DLGAP2: variants seen among roughly 807,000 people sequenced by gnomAD.
The protein encoded by DLGAP2 is DLG associated protein 2.
DLGAP2 carries 26 observed loss-of-function variants against 100.3 expected under a neutral mutation model. The observed-to-expected ratio is 0.26, with a 90% CI of 0.19 to 0.36. DLGAP2 has a LOEUF of 0.36. DLGAP2 is among the 10% of genes least tolerant of loss of function. The pLI is 1.00. For synonymous variants in DLGAP2, 886 were observed against 630.1 expected, an observed-to-expected ratio of 1.41 and a Z score of -6.08; for missense variants, 1,858 against 1,453.2, an observed-to-expected ratio of 1.28 and a Z score of -4.53.
chr8:1,198,359 C>T (rs118146646), intron 2 of DLGAP2, among the ~76,000 whole-genome samples: 74 of 152,286 alleles, frequency 4.9e-4, no homozygotes, highest in South Asian at 1.0e-3. Flanking sequence ...CGTCGTGGGG[C>T]GTCACGCATG....
intron 2 of DLGAP2, among the ~76,000 whole-genome samples, chr8:1,122,943 ACAGGAG>A (rs1796083861): frequency 6.6e-6 from 1 of 152,224 alleles, no homozygotes. Flanking sequence ...ACCTCACACA[ACAGGAG>A]CTTTGGCTTA....
At chr8:1,528,548 G>C (rs879486949) in intron 4 of DLGAP2, among the ~76,000 whole-genome samples, 2 of 152,240 alleles carry the variant, frequency 1.3e-5, no homozygotes, top group Admixed American at 6.5e-5. Context: ...CCACCCGGGG[G>C]CTGGCCTGCG....
chr8:1,517,275 G>A (rs1011212280), intron 4 of DLGAP2, among the ~76,000 whole-genome samples: 1 of 152,086 alleles, frequency 6.6e-6, no homozygotes, highest in South Asian at 2.1e-4. Context: ...CAGGAGCTTG[G>A]AAAAAGGACC....
intron 3 of DLGAP2, among the ~76,000 whole-genome samples, chr8:1,275,342 G>T (rs552115143): frequency 6.7e-6 from 1 of 149,182 alleles, no homozygotes; most frequent in African/African-American, 2.5e-5. Context: ...TCTCTAGCTC[G>T]AGCAGGGAAT....
intron 2 of DLGAP2, among the ~76,000 whole-genome samples, chr8:1,103,882 G>A (rs989172362): frequency 3.0e-4 from 45 of 152,320 alleles, no homozygotes; most frequent in Non-Finnish European, 4.1e-4. Flanking sequence ...AGGGGTCCCC[G>A]CACCCATGTT....
At chr8:1,636,546 C>T (rs1275879598) in intron 8 of DLGAP2, among the ~76,000 whole-genome samples, 1 of 152,162 alleles carries the variant, frequency 6.6e-6, no homozygotes, top group African/African-American at 2.4e-5. Flanking sequence ...AATTTTACTT[C>T]TTTGCTGACC....
chr8:1,089,376 C>A (rs965798075), intron 2 of DLGAP2, among the ~76,000 whole-genome samples: 1 of 152,210 alleles, frequency 6.6e-6, no homozygotes, highest in African/African-American at 2.4e-5. Flanking sequence ...GCCGTTTGTC[C>A]CCCTGAGGCA....
At chr8:1,569,730 C>G (rs544611277) in intron 6 of DLGAP2, among the ~76,000 whole-genome samples, 1 of 152,244 alleles carries the variant, frequency 6.6e-6, no homozygotes, top group Admixed American at 6.5e-5. Context: ...GCTGCACAAG[C>G]CACCAAGGCT....
intron 3 of DLGAP2, among the ~76,000 whole-genome samples, chr8:1,313,775 G>A (rs1028188728): frequency 1.3e-5 from 2 of 152,128 alleles, no homozygotes; most frequent in African/African-American, 4.8e-5. Flanking sequence ...GCTGAATTAT[G>A]TCTGGGGAGG....
chr8:1,356,887 C>T (rs542871752), intron 3 of DLGAP2, among the ~76,000 whole-genome samples: 1 of 152,328 alleles, frequency 6.6e-6, no homozygotes, highest in South Asian at 2.1e-4. Context: ...ACCTCGTCTT[C>T]AGGGTGTGCC....
intron 3 of DLGAP2, among the ~76,000 whole-genome samples, chr8:1,317,154 C>G (rs1354326349): frequency 7.6e-6 from 1 of 131,628 alleles, no homozygotes; most frequent in Non-Finnish European, 1.6e-5. Context: ...ACTGGAGAAA[C>G]TCGGCAGCTT....
At chr8:1,177,445 G>T (rs1267814185) in intron 2 of DLGAP2, among the ~76,000 whole-genome samples, 2 of 151,892 alleles carry the variant, frequency 1.3e-5, no homozygotes, top group Non-Finnish European at 2.9e-5. Flanking sequence ...ACCATCTTTG[G>T]GCACACCGGA....
chr8:751,940 T>G (rs945170083), intron 1 of DLGAP2, among the ~76,000 whole-genome samples: 4 of 152,226 alleles, frequency 2.6e-5, no homozygotes, highest in Non-Finnish European at 5.9e-5. Flanking sequence ...TGACACTTTA[T>G]AGTAAGTCCT....
chr8:1,387,694 G>T (rs1481333795), intron 3 of DLGAP2, among the ~76,000 whole-genome samples: 1 of 152,206 alleles, frequency 6.6e-6, no homozygotes, highest in Admixed American at 6.5e-5. Flanking sequence ...GTTTTGGGTT[G>T]AGGTGGTTGG....
chr8:1,476,369 A>G (rs530732225), intron 3 of DLGAP2, among the ~76,000 whole-genome samples: 3 of 152,278 alleles, frequency 2.0e-5, no homozygotes, highest in East Asian at 1.9e-4. Flanking sequence ...GCTGCATCAC[A>G]AAGTAAATCT....
At chr8:1,281,431 A>T (rs1799811605) in intron 3 of DLGAP2, among the ~76,000 whole-genome samples, 1 of 152,142 alleles carries the variant, frequency 6.6e-6, no homozygotes. Flanking sequence ...AATGCTCAGT[A>T]AATATTCCAA....
At position 910,147 on chromosome 8, in the gene DLGAP2, G is replaced by A. The variant is rs151225604; in HGVS notation, c.73+2181G>A. Reference sequence around the variant, plus strand: ...ATGTAGCGAATGCTCCAAACTGGGCGCTTAGGCAGCATCACCATGGCGGAT... The same window carrying A: ...ATGTAGCGAATGCTCCAAACTGGGCACTTAGGCAGCATCACCATGGCGGAT... On this transcript the variant is annotated intron_variant, in intron 2 of 14. Transcript: ENST00000637795. Among the ~76,000 whole-genome samples, 573 of 152,316 alleles carry A rather than the reference G, an allele frequency of 3.8e-3. 5 individuals carry two copies. The highest frequency in any genetic ancestry group is 0.013 in the African/African-American group (547 of 41,560).
At chr8:1,448,894 A>G (rs1798058366) in intron 3 of DLGAP2, among the ~76,000 whole-genome samples, 1 of 152,224 alleles carries the variant, frequency 6.6e-6, no homozygotes, top group Admixed American at 6.5e-5. Context: ...GTCACATTTC[A>G]GATGTCTCTA....
intron 1 of DLGAP2, among the ~76,000 whole-genome samples, chr8:861,007 C>T (rs1797378323): frequency 6.6e-6 from 1 of 152,084 alleles, no homozygotes; most frequent in African/African-American, 2.4e-5. Flanking sequence ...GCCACACGTG[C>T]AAAGGCCCTG....
Sources: gnomAD v4.1 joint callset for allele counts (sites outside exome capture counted in the v4.1 genomes callset) on GRCh38, gnomAD v4.1.1 for gene constraint, MANE v1.5 for transcripts, NCBI Gene and HGNC (gene_info 2026-07-23, HGNC 2026-07-21) for gene names.